The following KIF26B variants were observed in gnomAD, a reference collection of about 807,000 sequenced individuals.
The protein encoded by KIF26B is kinesin family member 26B.
A neutral mutation model predicts 151.2 loss-of-function variants in KIF26B; 63 were observed. The observed-to-expected ratio is 0.42, with a 90% CI of 0.34 to 0.51. KIF26B has a LOEUF of 0.51. Among genes scored for constraint, KIF26B ranks in the 20% least tolerant of loss-of-function variants. KIF26B has a pLI of 0.07. For missense variants in KIF26B, 2,813 were observed against 2,913.6 expected (o/e 0.97, Z 0.79); for synonymous variants, 1,357 against 1,262.1 (o/e 1.08, Z -1.59).
chr1:245,556,234 T>TCTTCTTCCTC (rs1397535933), intron 5 of KIF26B, among the ~76,000 whole-genome samples: 2 of 149,328 alleles, frequency 1.3e-5, no homozygotes, highest in Non-Finnish European at 3.0e-5. Flanking sequence ...CTCTTCTTCT[T>TCTTCTTCCTC]CTTCTTCCTC....
chr1:245,676,278 T>C (rs1230737969), intron 10 of KIF26B: 3 of 152,238 alleles, frequency 2.0e-5, no homozygotes, highest in Non-Finnish European at 4.4e-5. Flanking sequence ...CTGGAGTAAT[T>C]CAGGTTCTGC....
chr1:245,604,403 G>A (rs11799731), intron 6 of KIF26B, among the ~76,000 whole-genome samples: 33,387 of 152,096 alleles, frequency 0.22, 4,575 homozygotes, highest in East Asian at 0.36. Context: ...AAGAAGTTGA[G>A]CATGCGGTTT....
chr1:245,617,080 GTTTT>G (rs1308511296), intron 9 of KIF26B, among the ~76,000 whole-genome samples: 1 of 143,936 alleles, frequency 6.9e-6, no homozygotes, highest in Non-Finnish European at 1.6e-5. Context: ...TCTTTAATCT[GTTTT>G]TTTGTTTGTT....
At chr1:245,349,787 G>A (rs1025064494) in intron 2 of KIF26B, among the ~76,000 whole-genome samples, 89 of 152,168 alleles carry the variant, frequency 5.8e-4, no homozygotes, top group African/African-American at 2.1e-3. Context: ...TCAAGCCACT[G>A]TCTACAGCTG....
At chr1:245,366,801 A>C in intron 2 of KIF26B, 33 bp from the exon 3 acceptor site, 1 of 1,602,528 alleles carries the variant, frequency 6.2e-7, no homozygotes, top group Non-Finnish European at 8.5e-7. Flanking sequence ...GGAGTTATAG[A>C]ATCTCCTCTC....
rs74154405 is a variant in KIF26B, at chr1:245,477,778, C to G, written c.1166+58033C>G. Among the ~76,000 whole-genome samples the G allele has an allele frequency of 2.4e-3, 357 of 151,864 alleles. 4 individuals carry two copies. Among genetic ancestry groups the G allele is most frequent in the African/African-American group, 8.5e-3 (352 of 41,532 alleles). ...GAGACCGAATGGTAGCAGAGCAAGT[C>G]GGGGAAGTCTCAGGAGGGTCAGAGT... On this transcript the variant is annotated intron_variant, in intron 4 of 14. Coordinates refer to ENST00000407071, the MANE Select transcript of KIF26B (RefSeq NM_018012.4).
intron 4 of KIF26B, among the ~76,000 whole-genome samples, chr1:245,471,288 G>T (rs1037810817): frequency 1.3e-5 from 2 of 151,722 alleles, no homozygotes; most frequent in Non-Finnish European, 2.9e-5. Flanking sequence ...GCACCACCAC[G>T]CCCAGCTAAT....
chr1:245,619,806 G>A (rs752540102), intron 9 of KIF26B, among the ~76,000 whole-genome samples: 1 of 151,860 alleles, frequency 6.6e-6, no homozygotes, highest in African/African-American at 2.4e-5. Flanking sequence ...CCAGCTACTC[G>A]GGAGGCTGAG....
At position 245,190,050 on chromosome 1, in the gene KIF26B, G is replaced by A. The variant is rs1669072088; in HGVS notation, c.465+33367G>A. ...TCCCCGGTCCCTCCCACAACACGTGGGAATTATGGGAGCTACAATTCAAGA... is the reference window on the plus strand; with the variant it reads ...TCCCCGGTCCCTCCCACAACACGTGAGAATTATGGGAGCTACAATTCAAGA... On this transcript the variant is annotated intron_variant, in intron 2 of 14. Transcript: ENST00000407071. 8.7e-5 allele frequency among the ~76,000 whole-genome samples: 13 copies of A among 149,574 alleles called. No individual in the cohort carries two copies. The Admixed American group carries it at 8.7e-4, about 10-fold the overall frequency.
chr1:245,305,187 C>T (rs1671512989), intron 2 of KIF26B, among the ~76,000 whole-genome samples: 1 of 151,970 alleles, frequency 6.6e-6, no homozygotes. Flanking sequence ...AGTATGCTGA[C>T]AAAATATGTG....
intron 4 of KIF26B, among the ~76,000 whole-genome samples, chr1:245,480,162 C>T (rs1298353409): frequency 6.6e-6 from 1 of 151,364 alleles, no homozygotes; most frequent in African/African-American, 2.4e-5. Context: ...ACCTGTAGTC[C>T]GAGCTACTTG....
chr1:245,571,377 T>C (rs185889888), intron 5 of KIF26B, among the ~76,000 whole-genome samples: 31 of 152,336 alleles, frequency 2.0e-4, no homozygotes, highest in Non-Finnish European at 1.5e-5. Flanking sequence ...AAGAGTTATT[T>C]GGTCCCTAGA....
At chr1:245,647,783 T>A (rs887466299) in intron 10 of KIF26B, among the ~76,000 whole-genome samples, 7 of 152,204 alleles carry the variant, frequency 4.6e-5, no homozygotes, top group Non-Finnish European at 8.8e-5. Context: ...GTGAGTTTAT[T>A]TCCTACCAGG....
chr1:245,614,351 G>A (rs1301790340), intron 9 of KIF26B, among the ~76,000 whole-genome samples: 2 of 152,104 alleles, frequency 1.3e-5, no homozygotes, highest in Non-Finnish European at 1.5e-5. Context: ...ATTTTTGTAC[G>A]TTAAGTAGAG....
intron 2 of KIF26B, among the ~76,000 whole-genome samples, chr1:245,329,641 A>G (rs1672060799): frequency 1.3e-5 from 2 of 150,362 alleles, no homozygotes; most frequent in Non-Finnish European, 3.0e-5. Flanking sequence ...CTCACCATTC[A>G]CTCCCACTCT....
intron 4 of KIF26B, among the ~76,000 whole-genome samples, chr1:245,490,262 G>C (rs1339494728): frequency 6.6e-6 from 1 of 151,420 alleles, no homozygotes; most frequent in East Asian, 1.9e-4. Flanking sequence ...CTATCCACGA[G>C]AGACTTCTCC....
intron 10 of KIF26B, among the ~76,000 whole-genome samples, chr1:245,658,081 C>G (rs1275526646): frequency 2.0e-5 from 3 of 152,250 alleles, no homozygotes; most frequent in Admixed American, 2.0e-4. Context: ...TGTGTCCCCC[C>G]AAAACATACT....
At chr1:245,330,325 T>G (rs1672073899) in intron 2 of KIF26B, among the ~76,000 whole-genome samples, 1 of 127,944 alleles carries the variant, frequency 7.8e-6, no homozygotes, top group Non-Finnish European at 1.6e-5. Context: ...TGGCCTCATG[T>G]GAAATTCTCC....
chr1:245,667,190 T>G lies in KIF26B; in HGVS notation c.2259-17043T>G, dbSNP rs1432573840. 6.6e-6 allele frequency among the ~76,000 whole-genome samples: 1 copy of G among 152,158 alleles called. No individual in the cohort carries two copies. ...GGCAGCATCGTCTACTTTGGTTTTC[T>G]TTCTTTCTTTTTTTGAAACACTCTG... On this transcript the variant is annotated intron_variant, in intron 10 of 14. Transcript: ENST00000407071. The surrounding 1 kb of genome is among the most constrained non-coding windows in gnomAD (Gnocchi z 4.3).
Sources: gnomAD v4.1 joint callset for allele counts (sites outside exome capture counted in the v4.1 genomes callset) on GRCh38, gnomAD v4.1.1 for gene constraint, Gnocchi (gnomAD v3.1) non-coding constraint, MANE v1.5 for transcripts, NCBI Gene and HGNC (gene_info 2026-07-23, HGNC 2026-07-21) for gene names.